Variants in EREG observed in about 807,000 individuals in gnomAD.
The protein encoded by EREG is epiregulin.
EREG carries 23 observed loss-of-function variants against 22.4 expected under a neutral mutation model. The observed-to-expected ratio is 1.03, with a 90% CI of 0.74 to 1.46. The LOEUF (loss-of-function observed/expected upper bound fraction) is 1.46, where lower values mean the gene tolerates loss of function less well. Ranked by LOEUF, EREG falls within the 40% of genes most tolerant of loss-of-function variation. EREG has a pLI of 0.00. For synonymous variants in EREG, 100 were observed against 75.4 expected (o/e 1.33, Z -1.69); for missense variants, 226 against 205.9 (o/e 1.10, Z -0.60).
rs57163564 is a variant in EREG, at chr4:74,378,098, T to C, written c.68-1350T>C. ...TCATAACAGTTACCACTTACTTAGC[T>C]ACTTCAACGAAACAGGTTGATTCAA... is the stretch of plus-strand genomic sequence containing the variant. On this transcript the variant is annotated intron_variant, in intron 1 of 4. Coordinates refer to ENST00000244869, the MANE Select transcript of EREG (RefSeq NM_001432.3). 1.3e-3 allele frequency among the ~76,000 whole-genome samples: 198 copies of C among 152,336 alleles called. 1 individual carries two copies. The highest frequency in any genetic ancestry group is 4.5e-3 in the African/African-American group (189 of 41,574).
Position 74,365,381 on chromosome 4 carries a change from T to G in EREG, c.67+6T>G. The G allele has an allele frequency of 6.2e-7, 1 of 1,611,926 alleles. No individual in the cohort carries two copies. The highest frequency in any genetic ancestry group is 8.5e-7 in the Non-Finnish European group (1 of 1,179,780). On this transcript the variant is annotated splice_donor_region_variant and intron_variant, in intron 1 of 4. Coordinates refer to ENST00000244869, the MANE Select transcript of EREG (RefSeq NM_001432.3). The stretch of plus-strand genomic sequence containing the variant: ...TGCGCTGCTGCTCTGCCTGGGTAAG[T>G]TCTCCCCCTCTGGCTTCCGGCCGCC...
At position 74,372,801 on chromosome 4, in the gene EREG, C is replaced by CTT. The variant is rs60657787; in HGVS notation, c.68-6623_68-6622dup. On this transcript the variant is annotated intron_variant, in intron 1 of 4. Coordinates refer to ENST00000244869, the MANE Select transcript of EREG (RefSeq NM_001432.3). The stretch of plus-strand genomic sequence containing the variant: ...AACACTCAGATTAATTTAAATTGTA[C>CTT]TTTTTTTTTTTTTTTTTTTTTTTTT... Among the ~76,000 whole-genome samples the CTT allele has an allele frequency of 7.4e-4, 53 of 71,900 alleles. 1 individual carries two copies. The highest frequency in any genetic ancestry group is 1.2e-3 in the South Asian group (2 of 1,662). 47.2% of individuals were successfully genotyped at this position (71,900 alleles called of 152,430 possible). A position where few individuals can be genotyped will look rare whatever the true frequency, so the allele number is the denominator to read the frequency against.
chr4:74,368,527 CT>C (rs1291391764), intron 1 of EREG, among the ~76,000 whole-genome samples: 2 of 152,132 alleles, frequency 1.3e-5, no homozygotes, highest in East Asian at 3.8e-4. Context: ...TTCCTGTTAA[CT>C]GTGAGAACGT....
chr4:74,376,658 A>G (rs892914207), intron 1 of EREG, among the ~76,000 whole-genome samples: 2 of 152,234 alleles, frequency 1.3e-5, no homozygotes, highest in East Asian at 3.8e-4. Context: ...TTGAAGCAGC[A>G]TTTATATTGT....
chr4:74,377,071 A>G (rs1752393642), intron 1 of EREG, among the ~76,000 whole-genome samples: 1 of 152,082 alleles, frequency 6.6e-6, no homozygotes, highest in South Asian at 2.1e-4. Context: ...TATAAACCAG[A>G]AGAGGGCACT....
rs774735616 is a variant in EREG, at chr4:74,365,266, G to T, written c.-43G>T. On this transcript the variant is annotated 5_prime_UTR_variant, in exon 1 of 5. Transcript: ENST00000244869. Reference sequence around the variant, plus strand: ...CTCCCGCCCTGCCCGTGCACTCTCCGCAGCCGCCCTCCGCCAAGCCCCAGC... The same window carrying T: ...CTCCCGCCCTGCCCGTGCACTCTCCTCAGCCGCCCTCCGCCAAGCCCCAGC... 6.5e-7 allele frequency: 1 copy of T among 1,543,788 alleles called. No homozygotes were observed. The highest frequency in any genetic ancestry group is 8.8e-7 in the Non-Finnish European group (1 of 1,132,068).
chr4:74,387,523 G>A lies in EREG; in HGVS notation c.*2715G>A, dbSNP rs1251342204. 6.6e-6 allele frequency: 1 copy of A among 152,102 alleles called. No individual in the cohort carries two copies. Among genetic ancestry groups the A allele is most frequent in the Admixed American group, 6.6e-5 (1 of 15,266 alleles). The allele number at this position is 152,102 out of a possible 1,614,324, so 9.4% of individuals were successfully genotyped here. On this transcript the variant is annotated 3_prime_UTR_variant, in exon 5 of 5. Coordinates refer to ENST00000244869, the MANE Select transcript of EREG (RefSeq NM_001432.3). ...TAATCCCTAAAATAGTTAGATCTTTGTAAATGCATATTAAATAATAAAGTA... is the reference window on the plus strand; with the variant it reads ...TAATCCCTAAAATAGTTAGATCTTTATAAATGCATATTAAATAATAAAGTA...
chr4:74,380,274 T>TG (rs1007184513), intron 2 of EREG, among the ~76,000 whole-genome samples: 1 of 151,802 alleles, frequency 6.6e-6, no homozygotes, highest in Non-Finnish European at 1.5e-5. Context: ...ATCATCTTTT[T>TG]TTTTTTCCTT....
intron 1 of EREG, among the ~76,000 whole-genome samples, chr4:74,365,890 A>T (rs1752171997): frequency 6.6e-6 from 1 of 152,152 alleles, no homozygotes; most frequent in Non-Finnish European, 1.5e-5. Flanking sequence ...CGCCAGTGCC[A>T]GTTGGCTGAG....
chr4:74,379,719 G>C (rs965966890), intron 2 of EREG, among the ~76,000 whole-genome samples, 185 bp downstream of exon 2: 4 of 152,186 alleles, frequency 2.6e-5, no homozygotes, highest in Non-Finnish European at 2.9e-5. Flanking sequence ...ACTGGTAGGA[G>C]AGGGACCGGA....
intron 1 of EREG, among the ~76,000 whole-genome samples, chr4:74,368,814 G>C (rs1330070144): frequency 6.6e-6 from 1 of 151,596 alleles, no homozygotes; most frequent in Non-Finnish European, 1.5e-5. Context: ...ATTCCATCGG[G>C]AGACAATGAG....
At chr4:74,383,208 A>G (rs1174730669) in intron 4 of EREG, among the ~76,000 whole-genome samples, 1 of 152,160 alleles carries the variant, frequency 6.6e-6, no homozygotes, top group Non-Finnish European at 1.5e-5. Flanking sequence ...ATTATCTTAC[A>G]TTAGTTATAG....
At chr4:74,380,695 A>G (rs1242816451) in intron 2 of EREG, among the ~76,000 whole-genome samples, 1 of 152,214 alleles carries the variant, frequency 6.6e-6, no homozygotes, top group Non-Finnish European at 1.5e-5. Context: ...TTGAAGAAAT[A>G]ACACCCACTT....
At chr4:74,368,196 T>G (rs1454705956) in intron 1 of EREG, among the ~76,000 whole-genome samples, 2 of 152,188 alleles carry the variant, frequency 1.3e-5, no homozygotes, top group Non-Finnish European at 2.9e-5. Context: ...GCACAGCACA[T>G]GTACAAATGG....
chr4:74,377,315 G>A lies in EREG; in HGVS notation c.68-2133G>A, dbSNP rs1364935613. On this transcript the variant is annotated intron_variant, in intron 1 of 4. Transcript: ENST00000244869. ...GACTGCCTTTCCACCATAATTTGTG[G>A]CCTCTATGTTGGGTTAAATACTCTA... Among the ~76,000 whole-genome samples the A allele has an allele frequency of 7.2e-5, 11 of 151,914 alleles. No individual in the cohort carries two copies. The South Asian group carries it at 8.3e-4, about 11-fold the overall frequency.
intron 1 of EREG, 55 bp downstream of exon 1, chr4:74,365,430 G>C: frequency 6.6e-7 from 1 of 1,524,884 alleles, no homozygotes; most frequent in Non-Finnish European, 9.0e-7. Context: ...AAATAAGGAA[G>C]GCTCCTGTGC....
chr4:74,382,879 A>G (rs1380532234), intron 4 of EREG, 85 bp downstream of exon 4: 3 of 968,414 alleles, frequency 3.1e-6, no homozygotes, highest in Non-Finnish European at 4.7e-6. Context: ...ATATGGATAA[A>G]GTATTAGAGA....
At chr4:74,374,188 C>G (rs554911698) in intron 1 of EREG, among the ~76,000 whole-genome samples, 3 of 152,154 alleles carry the variant, frequency 2.0e-5, no homozygotes, top group African/African-American at 7.2e-5. Context: ...AAATGAGATG[C>G]ATTTCTTTTA....
At chr4:74,371,228 C>T (rs907752584) in intron 1 of EREG, among the ~76,000 whole-genome samples, 1 of 152,008 alleles carries the variant, frequency 6.6e-6, no homozygotes, top group African/African-American at 2.4e-5. Flanking sequence ...ACATTGCCAC[C>T]CATACTTCAC....
Sources: gnomAD v4.1 joint callset for allele counts (sites outside exome capture counted in the v4.1 genomes callset) on GRCh38, gnomAD v4.1.1 for gene constraint, MANE v1.5 for transcripts, NCBI Gene and HGNC (gene_info 2026-07-23, HGNC 2026-07-21) for gene names.